ZDHHC3: variants seen among roughly 807,000 people sequenced by gnomAD.
ZDHHC3 encodes zDHHC palmitoyltransferase 3, also known as palmitoyltransferase ZDHHC3.
Under a neutral mutation model 30.6 loss-of-function variants are expected in ZDHHC3, and 9 were observed. The ratio of observed to expected loss-of-function variants is 0.29; its 90% CI spans 0.18 to 0.51. ZDHHC3 has a LOEUF of 0.51. Among genes scored for constraint, ZDHHC3 ranks in the 20% least tolerant of loss-of-function variants. The pLI is 0.97. For synonymous variants in ZDHHC3, 136 were observed against 140.2 expected, an observed-to-expected ratio of 0.97 and a Z score of 0.21; for missense variants, 246 against 384.2, an observed-to-expected ratio of 0.64 and a Z score of 3.01.
At chr3:44,958,746 A>T in intron 2 of ZDHHC3, 1 of 1,417,208 alleles carries the variant, frequency 7.1e-7, no homozygotes, top group Non-Finnish European at 9.6e-7. Context: ...CTTCACTGGG[A>T]AGCCCAATCC....
chr3:44,957,846 A>G (rs1214952250), intron 2 of ZDHHC3, among the ~76,000 whole-genome samples: 3 of 152,236 alleles, frequency 2.0e-5, no homozygotes, highest in Non-Finnish European at 2.9e-5. Flanking sequence ...CTTGAGGGTA[A>G]GAACAGTATC....
At chr3:44,951,363 C>T (rs1387589584) in intron 2 of ZDHHC3, among the ~76,000 whole-genome samples, 1 of 152,170 alleles carries the variant, frequency 6.6e-6, no homozygotes, top group Admixed American at 6.5e-5. Flanking sequence ...CTTGTATGTG[C>T]ACCTGTGTGT....
rs1051049854 is a variant in ZDHHC3, at chr3:44,925,938, T to C, written c.*751A>G. ...ATTGTGTAATTTTTTTTCCTCTTGA[T>C]TGTATAAGGCATTTTGAACTGGAAA... On this transcript the variant is annotated 3_prime_UTR_variant, in exon 7 of 7. Transcript: ENST00000424952. 13 of 985,682 alleles carry C rather than the reference T, an allele frequency of 1.3e-5. No individual in the cohort carries two copies. The highest frequency in any genetic ancestry group is 1.7e-5 in the African/African-American group (1 of 57,206). 61.1% of individuals were successfully genotyped at this position (985,682 alleles called of 1,614,324 possible). A position where few individuals can be genotyped will look rare whatever the true frequency, so the allele number is the denominator to read the frequency against.
chr3:44,926,348 A>C lies in ZDHHC3; in HGVS notation c.*341T>G. ...GACTATTCCATCCACGCACAGCGTC[A>C]TGTCTCACTCAGTTAGTAGAATGGG... On this transcript the variant is annotated 3_prime_UTR_variant, in exon 7 of 7. Transcript: ENST00000424952. The C allele has an allele frequency of 2.9e-6, 3 of 1,020,152 alleles. No homozygotes were observed. The highest frequency in any genetic ancestry group is 3.5e-6 in the Non-Finnish European group (3 of 853,314). The allele number at this position is 1,020,152 out of a possible 1,614,324, so 63.2% of individuals were successfully genotyped here.
At position 44,933,963 on chromosome 3, in the gene ZDHHC3, C is replaced by T; in HGVS notation, c.453G>A (p.Arg151=). ...HHCSVCKRCI[R]KMDHHCPWVN... ...CCCAGGGACAGTGGTGGTCCATCTTCCGAATGCACCGCTTACAAACACTGA... is the reference window on the plus strand; with the variant it reads ...CCCAGGGACAGTGGTGGTCCATCTTTCGAATGCACCGCTTACAAACACTGA... Residue 151 remains arginine (R), a synonymous_variant, in exon 4 of 7, where the codon CGG becomes CGA. Transcript: ENST00000424952. The T allele has an allele frequency of 6.2e-7, 1 of 1,614,174 alleles. No individual in the cohort carries two copies. The highest frequency in any genetic ancestry group is 8.5e-7 in the Non-Finnish European group (1 of 1,180,024).
intron 3 of ZDHHC3, among the ~76,000 whole-genome samples, chr3:44,944,763 G>A (rs967348180): frequency 1.2e-4 from 19 of 152,164 alleles, no homozygotes; most frequent in African/African-American, 4.1e-4. Context: ...AAGGACAACC[G>A]CTTCATTTCA....
chr3:44,959,354 G>T lies in ZDHHC3; in HGVS notation c.83C>A (p.Pro28His), dbSNP rs780918481. 3 of 1,614,244 alleles carry T rather than the reference G, an allele frequency of 1.9e-6. No individual in the cohort carries two copies. The highest frequency in any genetic ancestry group is 1.7e-5 in the Admixed American group (1 of 60,034). Residue 28 changes from proline to histidine, a missense_variant, in exon 2 of 7, where the codon CCC becomes CAC. Transcript: ENST00000424952. The surrounding 1 kb of genome is among the most constrained non-coding windows in gnomAD (Gnocchi z 4.3). The stretch of plus-strand genomic sequence containing the variant: ...CATGGTTCCCACAGGACCAGGGTAG[G>T]GGGGTGGGACACACTTCTCTGGCTG... ...YLQPEKCVPP[P>H]YPGPVGTMWF...
chr3:44,946,326 A>G (rs1036836872), intron 2 of ZDHHC3, among the ~76,000 whole-genome samples: 1 of 152,202 alleles, frequency 6.6e-6, no homozygotes, highest in Non-Finnish European at 1.5e-5. Flanking sequence ...CCAAAATGCC[A>G]TAAGATTCTG....
Position 44,926,349 on chromosome 3 carries a change from T to C in ZDHHC3, c.*340A>G, listed in dbSNP as rs1342882755. The stretch of plus-strand genomic sequence containing the variant: ...ACTATTCCATCCACGCACAGCGTCA[T>C]GTCTCACTCAGTTAGTAGAATGGGC... On this transcript the variant is annotated 3_prime_UTR_variant, in exon 7 of 7. Coordinates refer to ENST00000424952, the MANE Select transcript of ZDHHC3 (RefSeq NM_001135179.2). 2.0e-6 allele frequency: 2 copies of C among 1,021,192 alleles called. No individual in the cohort carries two copies. The highest frequency in any genetic ancestry group is 8.9e-5 in the East Asian group (1 of 11,242). 63.3% of individuals were successfully genotyped at this position (1,021,192 alleles called of 1,614,324 possible).
chr3:44,965,953 T>C (rs1406576719), intron 1 of ZDHHC3, among the ~76,000 whole-genome samples: 1 of 152,200 alleles, frequency 6.6e-6, no homozygotes, highest in African/African-American at 2.4e-5. Flanking sequence ...TGAACATTCA[T>C]GCACTCGTGA....
chr3:44,973,374 T>A (rs905428070), intron 1 of ZDHHC3, among the ~76,000 whole-genome samples: 1 of 152,230 alleles, frequency 6.6e-6, no homozygotes, highest in African/African-American at 2.4e-5. Flanking sequence ...ATTTAACCTC[T>A]CTGTGCCTCA....
At chr3:44,964,691 C>T (rs1704780179) in intron 1 of ZDHHC3, among the ~76,000 whole-genome samples, 1 of 152,122 alleles carries the variant, frequency 6.6e-6, no homozygotes. Context: ...GCCGACAAGT[C>T]CAGGGAGGCA....
chr3:44,949,200 G>C (rs1279184057), intron 2 of ZDHHC3, among the ~76,000 whole-genome samples: 1 of 152,046 alleles, frequency 6.6e-6, no homozygotes, highest in Non-Finnish European at 1.5e-5. Flanking sequence ...GGTGGGCAAG[G>C]ACCACATGGT....
At position 44,933,993 on chromosome 3, in the gene ZDHHC3, G is replaced by C. The variant is rs201283161; in HGVS notation, c.432-9C>G. ...TGCACCGCTTACAAACACTGAAACA[G>C]CCCACAGGTCAGACCTTTAGGGCAT... On this transcript the variant is annotated splice_polypyrimidine_tract_variant and intron_variant, in intron 3 of 6. Transcript: ENST00000424952. 1.9e-6 allele frequency: 3 copies of C among 1,613,948 alleles called. No individual in the cohort carries two copies. Among genetic ancestry groups the C allele is most frequent in the Non-Finnish European group, 2.5e-6 (3 of 1,179,970 alleles).
intron 2 of ZDHHC3, among the ~76,000 whole-genome samples, chr3:44,952,721 C>T (rs544602920): frequency 5.9e-5 from 9 of 152,338 alleles, no homozygotes; most frequent in African/African-American, 1.7e-4. Context: ...AACCCTCACC[C>T]GCTCCAACTT....
At chr3:44,971,089 T>G (rs72864805) in intron 1 of ZDHHC3, among the ~76,000 whole-genome samples, 9,322 of 152,318 alleles carry the variant, frequency 0.061, 328 homozygotes, top group Middle Eastern at 0.12. Flanking sequence ...ATTTCTTGGT[T>G]TAGAAACATA....
intron 2 of ZDHHC3, among the ~76,000 whole-genome samples, chr3:44,956,947 A>C (rs1208346077): frequency 6.6e-6 from 1 of 151,366 alleles, no homozygotes. Context: ...AACCACTCTT[A>C]CCCCCACCTA....
intron 1 of ZDHHC3, among the ~76,000 whole-genome samples, chr3:44,963,693 C>T (rs1014503292): frequency 1.3e-5 from 2 of 152,190 alleles, no homozygotes; most frequent in South Asian, 4.1e-4. Flanking sequence ...TTCCAAGGAG[C>T]TGGGCAGAAC....
chr3:44,929,376 C>T lies in ZDHHC3; in HGVS notation c.671G>A (p.Gly224Asp). The stretch of plus-strand genomic sequence containing the variant: ...TGATGTGAAAATGAGGAAGAGCAGG[C>T]CCTCAAAGCACAGCAGGATAAGGAG... ...VILLILLCFE[G>D]LLFLIFTSVM... The change falls in exon 6 of 7, where the codon GGC becomes GAC. Residue 224 changes from glycine (G) to aspartate (D), a missense_variant. By Grantham distance (94) the Gly-to-Asp change is moderately conservative. Transcript: ENST00000424952. 1 of 1,614,094 alleles carries T rather than the reference C, an allele frequency of 6.2e-7. No homozygotes were observed. Among genetic ancestry groups the T allele is most frequent in the Non-Finnish European group, 8.5e-7 (1 of 1,179,996 alleles).
Sources: gnomAD v4.1 joint callset for allele counts (sites outside exome capture counted in the v4.1 genomes callset) on GRCh38, gnomAD v4.1.1 for gene constraint, Gnocchi (gnomAD v3.1) non-coding constraint, MANE v1.5 for transcripts, NCBI Gene and HGNC (gene_info 2026-07-23, HGNC 2026-07-21) for gene names.